MPRIP: variants seen among roughly 807,000 people sequenced by gnomAD.
MPRIP encodes the protein myosin phosphatase Rho-interacting protein.
In MPRIP, 59 loss-of-function variants were observed where a neutral mutation model predicts 234.9. The observed-to-expected ratio is 0.25, with a 90% CI of 0.20 to 0.31. The LOEUF is 0.31. Among genes scored for constraint, MPRIP ranks in the 10% least tolerant of loss-of-function variants. The probability of loss-of-function intolerance (pLI) is 1.00; values close to 1 mark genes in which losing one functional copy is unlikely to be tolerated. For synonymous variants in MPRIP, 1,144 were observed against 1,263.9 expected (o/e 0.91, Z 2.01); for missense variants, 2,436 against 3,071.0 (o/e 0.79, Z 4.89).
intron 1 of MPRIP, among the ~76,000 whole-genome samples, chr17:17,044,004 G>T (rs866294327): frequency 1.5e-4 from 23 of 152,310 alleles, no homozygotes; most frequent in Middle Eastern, 3.4e-3. Context: ...GAGTGAACGG[G>T]CCTGGTTGTT....
chr17:17,149,384 T>G (rs966455659), intron 11 of MPRIP, among the ~76,000 whole-genome samples: 7 of 151,832 alleles, frequency 4.6e-5, no homozygotes, highest in African/African-American at 1.7e-4. Flanking sequence ...TCCCAGCTAC[T>G]CGGGAGACTG....
intron 1 of MPRIP, among the ~76,000 whole-genome samples, chr17:17,061,904 A>G (rs1421999468): frequency 6.6e-6 from 1 of 151,738 alleles, no homozygotes; most frequent in East Asian, 1.9e-4. Context: ...TGTTGGGTGT[A>G]TGTTCCTGAC....
intron 4 of MPRIP, among the ~76,000 whole-genome samples, chr17:17,131,409 C>G (rs560028050): frequency 6.6e-6 from 1 of 152,356 alleles, no homozygotes; most frequent in Non-Finnish European, 1.5e-5. Flanking sequence ...TCTCTGCCAG[C>G]ACGGAGTCTG....
intron 12 of MPRIP, among the ~76,000 whole-genome samples, chr17:17,153,941 A>G (rs1225844646): frequency 6.6e-6 from 1 of 152,104 alleles, no homozygotes; most frequent in Non-Finnish European, 1.5e-5. Context: ...TGCTCAGCAC[A>G]TGCTGATTCT....
intron 3 of MPRIP, among the ~76,000 whole-genome samples, chr17:17,100,231 A>G (rs1403292183): frequency 6.6e-6 from 1 of 152,196 alleles, no homozygotes; most frequent in Non-Finnish European, 1.5e-5. Context: ...AGGTTTCCAG[A>G]GCGCCTCAAT....
rs2144485433 is a variant in MPRIP at position 17,138,964 on chromosome 17, A to AGG, written c.1250+536_1250+537dup. Among the ~76,000 whole-genome samples the AGG allele has an allele frequency of 6.6e-6, 1 of 152,336 alleles. No individual in the cohort carries two copies. Among genetic ancestry groups the AGG allele is most frequent in the East Asian group, 1.9e-4 (1 of 5,186 alleles). On this transcript the variant is annotated intron_variant, in intron 7 of 23. Coordinates refer to ENST00000651222, the MANE Select transcript of MPRIP (RefSeq NM_001364716.4). This position sits in a 1 kb window ranked among gnomAD's most constrained non-coding sequence, Gnocchi z 5.8. The stretch of plus-strand genomic sequence containing the variant: ...GGGAGCCACAGCCCCAGGAAACCTG[A>AGG]GGCAACCTGTGAAGCAGCTGAGCAC...
At chr17:17,103,365 C>T (rs1156750001) in intron 3 of MPRIP, among the ~76,000 whole-genome samples, 1 of 152,208 alleles carries the variant, frequency 6.6e-6, no homozygotes, top group Non-Finnish European at 1.5e-5. Flanking sequence ...ACCCCAGGGC[C>T]GGCAGCCGTG....
intron 1 of MPRIP, among the ~76,000 whole-genome samples, chr17:17,068,519 C>A (rs1259449417): frequency 1.3e-5 from 2 of 151,596 alleles, no homozygotes; most frequent in African/African-American, 4.8e-5. Flanking sequence ...TCATTGATTT[C>A]TACCTTTATC....
rs1178138039 is a variant in MPRIP, at chr17:17,078,122, T to C, written c.267+46T>C. 3.1e-6 allele frequency: 5 copies of C among 1,597,092 alleles called. No homozygotes were observed. Among genetic ancestry groups the C allele is most frequent in the Non-Finnish European group, 3.4e-6 (4 of 1,165,108 alleles). ...CTCCCTGTCCCCAGCCTTCACCAAGTCCCTCCATTACAGTGCCCTTGCGTT... is the reference window on the plus strand; with the variant it reads ...CTCCCTGTCCCCAGCCTTCACCAAGCCCCTCCATTACAGTGCCCTTGCGTT... On this transcript the variant is annotated intron_variant, in intron 3 of 23. Coordinates refer to ENST00000651222, the MANE Select transcript of MPRIP (RefSeq NM_001364716.4). This position sits in a 1 kb window ranked among gnomAD's most constrained non-coding sequence, Gnocchi z 4.3.
chr17:17,052,457 T>A (rs866620778), intron 1 of MPRIP, among the ~76,000 whole-genome samples: 1 of 152,092 alleles, frequency 6.6e-6, no homozygotes, highest in South Asian at 2.1e-4. Context: ...GGTGAGGGAT[T>A]GTCTTCAATT....
chr17:17,165,670 G>A lies in MPRIP; in HGVS notation c.4079G>A (p.Ser1360Asn). 1.5e-6 allele frequency: 2 copies of A among 1,305,134 alleles called. No individual in the cohort carries two copies. The highest frequency in any genetic ancestry group is 2.0e-6 in the Non-Finnish European group (2 of 989,052). The allele number at this position is 1,305,134 out of a possible 1,614,324, so 80.8% of individuals were successfully genotyped here. ...CAGGACCGGTCACCCTCGGAAGAAA[G>A]CATGTCCTCAGAGCCTGCACCCAGT... ...TSQDRSPSEE[S>N]MSSEPAPSVL... The change falls in exon 16 of 24, where the codon AGC (serine) becomes AAC (asparagine). Residue 1360 changes from serine to asparagine, a missense_variant. Around this residue, in one of 4 missense-constraint regions of MPRIP, gnomAD observed 1,998 missense variants for 2,520.3 expected, o/e 0.79. Transcript: ENST00000651222.
chr17:17,154,662 T>C (rs2045688562), intron 13 of MPRIP, among the ~76,000 whole-genome samples: 1 of 152,254 alleles, frequency 6.6e-6, no homozygotes, highest in Non-Finnish European at 1.5e-5. Context: ...TGCTGGTCAT[T>C]AGAACTGGGC....
chr17:17,143,583 C>T lies in MPRIP; in HGVS notation c.1417C>T (p.Pro473Ser), dbSNP rs759574372. Residue 473 changes from proline (P) to serine (S), a missense_variant, in exon 9 of 24, where the codon CCT becomes TCT. By Grantham distance (74) the Pro-to-Ser change is moderately conservative. Transcript: ENST00000651222. Reference sequence around the variant, plus strand: ...CTTCACCAATGAAGCCCCCCCAGCTCCTCTCCCAGACGCCTCGGCTTCCCC... The same window carrying T: ...CTTCACCAATGAAGCCCCCCCAGCTTCTCTCCCAGACGCCTCGGCTTCCCC... ...RDFTNEAPPA[P>S]LPDASASPLS... The T allele has an allele frequency of 2.5e-6, 4 of 1,602,792 alleles. No homozygotes were observed. In the Admixed American group the frequency reaches 5.1e-5, roughly 21 times the overall value.
At chr17:17,092,360 CTGTT>C (rs1022594969) in intron 3 of MPRIP, among the ~76,000 whole-genome samples, 8 of 152,172 alleles carry the variant, frequency 5.3e-5, no homozygotes, top group Admixed American at 4.6e-4. Context: ...CAGGTGCACA[CTGTT>C]TGGTCATCTG....
intron 1 of MPRIP, among the ~76,000 whole-genome samples, chr17:17,061,594 T>C (rs774243185): frequency 1.2e-4 from 19 of 152,126 alleles, no homozygotes; most frequent in Non-Finnish European, 2.1e-4. Context: ...TCCAGAGAAG[T>C]CTTTGCCCCA....
At chr17:17,079,460 C>A (rs567290038) in intron 3 of MPRIP, among the ~76,000 whole-genome samples, 1 of 152,326 alleles carries the variant, frequency 6.6e-6, no homozygotes, top group Admixed American at 6.5e-5. Context: ...GAAAGCAGAC[C>A]TGGAGGATTA....
At chr17:17,173,783 C>T in intron 18 of MPRIP, 133 bp from the exon 19 acceptor site, 1 of 1,037,650 alleles carries the variant, frequency 9.6e-7, no homozygotes, top group Non-Finnish European at 1.5e-6. Flanking sequence ...TCTGTATGAC[C>T]CAGGCTGATT....
intron 1 of MPRIP, among the ~76,000 whole-genome samples, chr17:17,059,035 T>C (rs1394736490): frequency 6.6e-6 from 1 of 152,232 alleles, no homozygotes; most frequent in Non-Finnish European, 1.5e-5. Flanking sequence ...GTTATGTCCA[T>C]TGGTATTTCT....
chr17:17,113,506 G>A (rs2144302770), intron 3 of MPRIP, among the ~76,000 whole-genome samples: 1 of 152,306 alleles, frequency 6.6e-6, no homozygotes, highest in East Asian at 1.9e-4. Flanking sequence ...TTATATGGCA[G>A]TGTATATACA....
Sources: gnomAD v4.1 joint callset for allele counts (sites outside exome capture counted in the v4.1 genomes callset) on GRCh38, gnomAD v4.1.1 for gene constraint, gnomAD v4.1.1 regional missense constraint, Gnocchi (gnomAD v3.1) non-coding constraint, MANE v1.5 for transcripts, NCBI Gene and HGNC (gene_info 2026-07-23, HGNC 2026-07-21) for gene names.